CDH23: variants seen among roughly 807,000 people sequenced by gnomAD.
CDH23 encodes cadherin-23.
A neutral mutation model predicts 317.1 loss-of-function variants in CDH23; 189 were observed. The observed-to-expected ratio is 0.60, with a 90% CI of 0.53 to 0.67. The LOEUF (loss-of-function observed/expected upper bound fraction) is 0.67, where lower values mean the gene tolerates loss of function less well. CDH23 is among the 30% of genes least tolerant of loss of function. The pLI is 0.00. For synonymous variants in CDH23, 1,839 were observed against 1,876.8 expected, an observed-to-expected ratio of 0.98 and a Z score of 0.52; for missense variants, 4,401 against 4,592.4, an observed-to-expected ratio of 0.96 and a Z score of 1.20.
chr10:71,469,613 T>C (rs1564600118), intron 3 of CDH23, among the ~76,000 whole-genome samples: 1 of 148,004 alleles, frequency 6.8e-6, no homozygotes. Context: ...TGTCCCCCCC[T>C]TGTTTTTTTT....
In CDH23 at chr10:71,720,361, G is replaced by T. The variant is rs561477458; in HGVS notation, c.3370-3684G>T. Among the ~76,000 whole-genome samples, 10 of 151,862 alleles carry T rather than the reference G, an allele frequency of 6.6e-5. No homozygotes were observed. The South Asian group carries it at 1.7e-3, about 25-fold the overall frequency. ...AGCATAGGACTGACGGACCTCCAAG[G>T]CCATGCTCCCCACAGTGCGGGTGGG... On this transcript the variant is annotated intron_variant, in intron 28 of 69. Transcript: ENST00000224721.
chr10:71,580,791 G>A (rs927218473), intron 9 of CDH23, among the ~76,000 whole-genome samples: 6 of 152,196 alleles, frequency 3.9e-5, no homozygotes, highest in Admixed American at 6.5e-5. Flanking sequence ...TGACAGCCCT[G>A]CTCTTTCTTA....
chr10:71,512,804 A>C (rs1011321397), intron 6 of CDH23, among the ~76,000 whole-genome samples: 1 of 152,176 alleles, frequency 6.6e-6, no homozygotes, highest in Non-Finnish European at 1.5e-5. Context: ...GAGTCTCTTC[A>C]AGTCATTCAT....
intron 25 of CDH23, among the ~76,000 whole-genome samples, chr10:71,705,857 G>T (rs1010625015): frequency 9.2e-5 from 14 of 152,094 alleles, no homozygotes; most frequent in Admixed American, 8.5e-4. Flanking sequence ...AGCTCTGCTG[G>T]CCTCCATGGG....
At chr10:71,586,609 C>G (rs1357021830) in intron 9 of CDH23, among the ~76,000 whole-genome samples, 1 of 152,122 alleles carries the variant, frequency 6.6e-6, no homozygotes, top group Non-Finnish European at 1.5e-5. Flanking sequence ...TTACCCACAC[C>G]TTACCCTCAC....
intron 38 of CDH23, chr10:71,753,725 T>C (rs1329323550): frequency 2.2e-6 from 1 of 456,090 alleles, no homozygotes; most frequent in Non-Finnish European, 4.4e-6. Context: ...CTCCCACAGA[T>C]GCTTCTCGTT....
chr10:71,581,794 T>A (rs1414274372), intron 9 of CDH23, among the ~76,000 whole-genome samples: 1 of 152,118 alleles, frequency 6.6e-6, no homozygotes, highest in African/African-American at 2.4e-5. Flanking sequence ...CAGGCTCCCA[T>A]CCCCAAAGGA....
At chr10:71,795,827 GC>G (rs1841386367) in intron 48 of CDH23, 1 of 987,290 alleles carries the variant, frequency 1.0e-6, no homozygotes, top group East Asian at 1.1e-4. Flanking sequence ...CTCATGGCTG[GC>G]AGGCCCACAG....
At chr10:71,740,673 C>A in intron 36 of CDH23, 149 bp from the exon 37 acceptor site, 1 of 1,028,756 alleles carries the variant, frequency 9.7e-7, no homozygotes, top group Non-Finnish European at 1.4e-6. Flanking sequence ...CGGGAGAGCC[C>A]AGGGCTGGCC....
intron 3 of CDH23, among the ~76,000 whole-genome samples, chr10:71,502,092 T>C (rs974921188): frequency 1.9e-4 from 29 of 151,288 alleles, no homozygotes; most frequent in Admixed American, 1.7e-3. Context: ...GAAGGGGGCT[T>C]TGTCTGTTTG....
intron 35 of CDH23, 97 bp downstream of exon 35, chr10:71,738,744 A>G: frequency 7.1e-7 from 1 of 1,416,164 alleles, no homozygotes; most frequent in South Asian, 1.3e-5. Context: ...CCCATCACCA[A>G]GCACCAGGTT....
rs144086035 is a variant in CDH23 at position 71,460,546 on chromosome 10, C to T, written c.145+14151C>T. The stretch of plus-strand genomic sequence containing the variant: ...GAGTGTTGAACCTGCTTTGCCGCAT[C>T]GGCTGCTTTATGAGCTCTCTGGAGA... On this transcript the variant is annotated intron_variant, in intron 3 of 69. Coordinates refer to ENST00000224721, the MANE Select transcript of CDH23 (RefSeq NM_022124.6). 5.3e-5 allele frequency among the ~76,000 whole-genome samples: 8 copies of T among 152,362 alleles called. No individual in the cohort carries two copies. In the East Asian group the frequency reaches 1.2e-3, roughly 22 times the overall value.
At chr10:71,692,628 C>T (rs1187839938) in intron 20 of CDH23, among the ~76,000 whole-genome samples, 3 of 152,200 alleles carry the variant, frequency 2.0e-5, no homozygotes, top group Non-Finnish European at 4.4e-5. Context: ...CCTAAGCTGC[C>T]CTGTCACCCA....
intron 6 of CDH23, among the ~76,000 whole-genome samples, chr10:71,532,711 G>GTTTTTTTTTGTT (rs1855452212): frequency 6.2e-5 from 8 of 128,098 alleles, no homozygotes; most frequent in Non-Finnish European, 1.4e-4. Context: ...TTTTGTTTTT[G>GTTTTTTTTTGTT]TTTTTTTTTT....
intron 11 of CDH23, chr10:71,635,444 A>G (rs1232446562): frequency 6.6e-6 from 1 of 152,456 alleles, no homozygotes; most frequent in Non-Finnish European, 1.5e-5. Context: ...TTTTTGAAAT[A>G]CATGGAATTC....
chr10:71,691,777 G>A (rs1865194720), intron 20 of CDH23, among the ~76,000 whole-genome samples: 1 of 152,222 alleles, frequency 6.6e-6, no homozygotes, highest in Non-Finnish European at 1.5e-5. Flanking sequence ...GGCCATCCCT[G>A]CTGCAGGTGG....
chr10:71,399,153 C>T (rs536060563), intron 1 of CDH23, among the ~76,000 whole-genome samples: 2 of 152,214 alleles, frequency 1.3e-5, no homozygotes, highest in African/African-American at 2.4e-5. Context: ...CTGAAGTGCT[C>T]ATTTAAAATG....
intron 28 of CDH23, chr10:71,717,035 A>G (rs570502028): frequency 1.1e-4 from 16 of 152,094 alleles, no homozygotes; most frequent in African/African-American, 3.4e-4. Flanking sequence ...GGCCCACCAC[A>G]CACCTTATTT....
At position 71,811,498 on chromosome 10, in the gene CDH23, C is replaced by T. The variant is rs375383509; in HGVS notation, c.9199-13C>T. On this transcript the variant is annotated splice_polypyrimidine_tract_variant and intron_variant, in intron 63 of 69. Coordinates refer to ENST00000224721, the MANE Select transcript of CDH23 (RefSeq NM_022124.6). ...CCCCACTGCCCGGGCTTACCCTGGT[C>T]CTGCTCCCGCAGATGGCGATCATCG... is the stretch of plus-strand genomic sequence containing the variant. 9 of 1,613,992 alleles carry T rather than the reference C, an allele frequency of 5.6e-6. No individual in the cohort carries two copies. The highest frequency in any genetic ancestry group is 5.9e-6 in the Non-Finnish European group (7 of 1,179,892).
Sources: gnomAD v4.1 joint callset for allele counts (sites outside exome capture counted in the v4.1 genomes callset) on GRCh38, gnomAD v4.1.1 for gene constraint, MANE v1.5 for transcripts, NCBI Gene and HGNC (gene_info 2026-07-23, HGNC 2026-07-21) for gene names.